Variants in C10orf67 observed in about 807,000 individuals in gnomAD.
C10orf67 encodes the protein uncharacterized protein C10orf67, mitochondrial.
A neutral mutation model predicts 35.6 loss-of-function variants in C10orf67; 60 were observed. That is an observed-to-expected ratio of 1.68 (90% CI 1.37 to 2.09). The LOEUF (loss-of-function observed/expected upper bound fraction) is 2.09, where lower values mean the gene tolerates loss of function less well. Among genes scored for constraint, C10orf67 ranks in the 30% most tolerant of loss-of-function variants. The pLI, the probability that C10orf67 is intolerant of heterozygous loss-of-function variation, is 0.00. For missense variants in C10orf67, 474 were observed against 330.2 expected (o/e 1.44, Z -3.38); for synonymous variants, 167 against 115.8 (o/e 1.44, Z -2.84).
At position 23,329,806 on chromosome 10, in the gene C10orf67, A is replaced by AAAAAAAG. The variant is rs1216325878; in HGVS notation, c.327+3255_327+3256insCTTTTTT. Among the ~76,000 whole-genome samples the AAAAAAAG allele has an allele frequency of 4.8e-4, 72 of 150,038 alleles. 1 individual carries two copies. The highest frequency in any genetic ancestry group is 9.0e-4 in the Non-Finnish European group (61 of 67,470). The stretch of plus-strand genomic sequence containing the variant: ...GAACAAGAACTTGTCTCAAAAAAAA[A>AAAAAAAG]AAAAAAAAAAGAAAAGAAAAGAAAA... On this transcript the variant is annotated intron_variant, in intron 2 of 15. Coordinates refer to ENST00000636213, the MANE Select transcript of C10orf67 (RefSeq NM_001371909.1).
intron 12 of C10orf67, among the ~76,000 whole-genome samples, chr10:23,246,237 T>C (rs1842312637): frequency 6.6e-6 from 1 of 152,118 alleles, no homozygotes; most frequent in Non-Finnish European, 1.5e-5. Context: ...AATGAAAAAC[T>C]ACCTATCAGG....
At chr10:23,287,491 A>G (rs1336616400) in intron 7 of C10orf67, among the ~76,000 whole-genome samples, 1 of 152,236 alleles carries the variant, frequency 6.6e-6, no homozygotes, top group Non-Finnish European at 1.5e-5. Context: ...TGAATTAAAG[A>G]CTTAAATGTA....
chr10:23,312,368 A>T (rs1034341376), intron 4 of C10orf67, among the ~76,000 whole-genome samples: 1 of 152,240 alleles, frequency 6.6e-6, no homozygotes, highest in Non-Finnish European at 1.5e-5. Flanking sequence ...AGCCCCTACC[A>T]GCTGACTCCT....
chr10:23,325,592 T>G (rs1364716080), intron 2 of C10orf67, among the ~76,000 whole-genome samples: 1 of 146,034 alleles, frequency 6.8e-6, no homozygotes, highest in Non-Finnish European at 1.5e-5. Context: ...ACAAAAAAAC[T>G]TCAGCATTCT....
intron 4 of C10orf67, among the ~76,000 whole-genome samples, chr10:23,309,324 T>A (rs1056634334): frequency 6.6e-6 from 1 of 152,070 alleles, no homozygotes; most frequent in Non-Finnish European, 1.5e-5. Flanking sequence ...CACTTCTAAG[T>A]GGGAGCTAAA....
chr10:23,341,174 C>A (rs1183908228), intron 1 of C10orf67, among the ~76,000 whole-genome samples: 4 of 152,208 alleles, frequency 2.6e-5, no homozygotes, highest in African/African-American at 9.7e-5. Context: ...GCTTAAGACA[C>A]CATCTTTGTG....
chr10:23,316,058 G>T (rs1245584288), intron 4 of C10orf67, among the ~76,000 whole-genome samples: 1 of 133,152 alleles, frequency 7.5e-6, no homozygotes, highest in Non-Finnish European at 1.5e-5. Context: ...TTTTGCCCAG[G>T]CCTGCTGTGC....
intron 4 of C10orf67, chr10:23,319,033 T>C: frequency 1.4e-6 from 1 of 693,922 alleles, no homozygotes; most frequent in Non-Finnish European, 2.6e-6. Flanking sequence ...GTTCAGAGGG[T>C]ACATGTACAG....
chr10:23,250,790 TCTAA>T (rs1352915805), intron 10 of C10orf67, 99 bp from the exon 11 acceptor site: 11 of 396,378 alleles, frequency 2.8e-5, no homozygotes, highest in Admixed American at 1.3e-4. Context: ...GTATGCATAC[TCTAA>T]CTACTATCAA....
At chr10:23,333,016 A>G in intron 2 of C10orf67, 46 bp downstream of exon 2, 23 of 1,586,024 alleles carry the variant, frequency 1.5e-5, no homozygotes, top group Non-Finnish European at 2.0e-5. Flanking sequence ...GAAGGCAATT[A>G]ACGCCAAAAA....
intron 2 of C10orf67, among the ~76,000 whole-genome samples, chr10:23,330,317 G>A (rs1298893301): frequency 6.6e-6 from 1 of 152,086 alleles, no homozygotes; most frequent in Non-Finnish European, 1.5e-5. Flanking sequence ...AAAAATATTA[G>A]CCAGCTGTGG....
intron 4 of C10orf67, among the ~76,000 whole-genome samples, chr10:23,306,663 G>A (rs1330842837): frequency 3.9e-5 from 6 of 152,036 alleles, no homozygotes; most frequent in African/African-American, 1.4e-4. Flanking sequence ...CGTACAGTAT[G>A]GTGACTATGG....
intron 12 of C10orf67, among the ~76,000 whole-genome samples, chr10:23,247,904 T>C (rs1035724806): frequency 3.9e-5 from 6 of 152,234 alleles, no homozygotes; most frequent in Non-Finnish European, 5.9e-5. Flanking sequence ...CACAGGTGTT[T>C]ACTTTGTTGA....
intron 4 of C10orf67, among the ~76,000 whole-genome samples, chr10:23,305,819 C>T (rs905996358): frequency 6.6e-6 from 1 of 152,176 alleles, no homozygotes; most frequent in Non-Finnish European, 1.5e-5. Context: ...AGCTATCCTA[C>T]TTCTGGGTAT....
chr10:23,316,584 G>C (rs953996717), intron 4 of C10orf67, among the ~76,000 whole-genome samples: 1 of 152,242 alleles, frequency 6.6e-6, no homozygotes, highest in Non-Finnish European at 1.5e-5. Context: ...GACAACTGGA[G>C]GGTGAGTAAG....
At chr10:23,276,030 T>C (rs1843176785) in intron 8 of C10orf67, among the ~76,000 whole-genome samples, 1 of 152,178 alleles carries the variant, frequency 6.6e-6, no homozygotes, top group Non-Finnish European at 1.5e-5. Flanking sequence ...AGAAGAAGCT[T>C]CCACGTTTCT....
At chr10:23,272,961 G>A (rs1474029849) in intron 8 of C10orf67, among the ~76,000 whole-genome samples, 1 of 152,106 alleles carries the variant, frequency 6.6e-6, no homozygotes, top group African/African-American at 2.4e-5. Flanking sequence ...ATCATAACTG[G>A]TGTTTTTCAA....
intron 5 of C10orf67, among the ~76,000 whole-genome samples, chr10:23,294,845 G>A (rs1205668057): frequency 6.6e-6 from 1 of 151,882 alleles, no homozygotes; most frequent in Non-Finnish European, 1.5e-5. Flanking sequence ...CCACTAGAGG[G>A]GGCAGTTGAA....
intron 8 of C10orf67, among the ~76,000 whole-genome samples, chr10:23,276,146 C>T (rs559171114): frequency 2.0e-5 from 3 of 152,238 alleles, no homozygotes; most frequent in African/African-American, 7.2e-5. Flanking sequence ...GAGATAGTCA[C>T]CCTATCAGTC....
Sources: allele counts gnomAD v4.1 joint callset (sites outside exome capture counted in the v4.1 genomes callset), GRCh38; gene constraint gnomAD v4.1.1; transcripts MANE v1.5; gene names NCBI Gene and HGNC (gene_info 2026-07-23, HGNC 2026-07-21).